Variants in DAB1 observed in about 807,000 individuals in gnomAD.
DAB1 encodes the protein DAB adaptor protein 1.
In DAB1, 15 loss-of-function variants were observed where a neutral mutation model predicts 64.6. The ratio of observed to expected loss-of-function variants is 0.23; its 90% CI spans 0.16 to 0.36. The LOEUF is 0.36. Ranked by LOEUF, DAB1 falls within the 10% of genes least tolerant of loss-of-function variation. The probability of loss-of-function intolerance (pLI) is 1.00; values close to 1 mark genes in which losing one functional copy is unlikely to be tolerated. For synonymous variants in DAB1, 235 were observed against 251.9 expected (o/e 0.93, Z 0.64); for missense variants, 596 against 706.7 (o/e 0.84, Z 1.78).
intron 5 of DAB1, chr1:58,048,052 G>A: frequency 1.5e-6 from 1 of 687,354 alleles, no homozygotes; most frequent in Non-Finnish European, 2.6e-6. Context: ...TCTAAAACAT[G>A]TCTTCTTTGC....
chr1:57,792,068 C>T (rs2101859709), intron 6 of DAB1, among the ~76,000 whole-genome samples: 1 of 152,270 alleles, frequency 6.6e-6, no homozygotes, highest in South Asian at 2.1e-4. Context: ...CTGAGTGAGT[C>T]TCTGAGGCCC....
intron 5 of DAB1, among the ~76,000 whole-genome samples, chr1:58,118,880 A>C (rs1308512200): frequency 6.6e-6 from 1 of 151,832 alleles, no homozygotes; most frequent in Non-Finnish European, 1.5e-5. Flanking sequence ...AATACAGCCT[A>C]CACACCAGTG....
chr1:57,772,372 T>A (rs1649599883), intron 6 of DAB1, among the ~76,000 whole-genome samples: 2 of 152,166 alleles, frequency 1.3e-5, no homozygotes. Flanking sequence ...AAAAACAAAT[T>A]ATCCAGTTTC....
chr1:58,501,146 C>A (rs2100405136), intron 3 of DAB1, among the ~76,000 whole-genome samples: 1 of 152,158 alleles, frequency 6.6e-6, no homozygotes, highest in South Asian at 2.1e-4. Flanking sequence ...AGTAATATTG[C>A]TACAAACCTG....
intron 2 of DAB1, among the ~76,000 whole-genome samples, chr1:57,161,548 C>T (rs1368373205): frequency 6.6e-6 from 1 of 152,160 alleles, no homozygotes; most frequent in Non-Finnish European, 1.5e-5. Context: ...TAACAGGTAC[C>T]AGGCACTGAC....
At chr1:57,176,553 G>T (rs556160829) in intron 2 of DAB1, among the ~76,000 whole-genome samples, 1 of 152,060 alleles carries the variant, frequency 6.6e-6, no homozygotes, top group Non-Finnish European at 1.5e-5. Flanking sequence ...CAGCCAAACT[G>T]AATCATATAT....
At chr1:57,691,359 T>C (rs949192546) in intron 6 of DAB1, among the ~76,000 whole-genome samples, 1 of 152,146 alleles carries the variant, frequency 6.6e-6, no homozygotes, top group Admixed American at 6.5e-5. Flanking sequence ...AGCAGCACTC[T>C]GTAAACTGGA....
At chr1:58,383,119 C>T (rs1435648020) in intron 3 of DAB1, among the ~76,000 whole-genome samples, 1 of 152,228 alleles carries the variant, frequency 6.6e-6, no homozygotes, top group Non-Finnish European at 1.5e-5. Flanking sequence ...TCACTATACA[C>T]AAAGAAGTAT....
At chr1:57,559,340 A>C (rs1645025209) in intron 7 of DAB1, among the ~76,000 whole-genome samples, 1 of 152,228 alleles carries the variant, frequency 6.6e-6, no homozygotes, top group African/African-American at 2.4e-5. Context: ...GCCAGTTTAT[A>C]GACTCAGAAC....
chr1:57,553,277 G>A (rs186067200), intron 7 of DAB1, among the ~76,000 whole-genome samples: 1 of 149,894 alleles, frequency 6.7e-6, no homozygotes, highest in Admixed American at 6.7e-5. Context: ...TATTCTGAGA[G>A]AACAGGTAAA....
chr1:57,497,416 T>C (rs1289886095), intron 7 of DAB1, among the ~76,000 whole-genome samples: 1 of 152,218 alleles, frequency 6.6e-6, no homozygotes, highest in Non-Finnish European at 1.5e-5. Context: ...GTCTACTGTG[T>C]TCCTAGCACT....
chr1:58,354,245 G>A (rs4567304), intron 3 of DAB1, among the ~76,000 whole-genome samples: 68,148 of 151,978 alleles, frequency 0.45, 15,458 homozygotes, highest in Admixed American at 0.56. Flanking sequence ...CCAGATCTAC[G>A]AGAAAGGATG....
chr1:57,093,292 G>C (rs523285), intron 4 of DAB1, among the ~76,000 whole-genome samples: 33,904 of 152,126 alleles, frequency 0.22, 4,805 homozygotes, highest in Middle Eastern at 0.37. Context: ...CCTGGTCAGA[G>C]AGTGATACTC....
chr1:57,308,197 T>C (rs549486676), intron 1 of DAB1, among the ~76,000 whole-genome samples: 3 of 152,326 alleles, frequency 2.0e-5, no homozygotes, highest in East Asian at 3.9e-4. Flanking sequence ...CCCTAAAAAA[T>C]GAGCCAGCCT....
At chr1:57,653,953 A>G (rs1233067351) in intron 6 of DAB1, among the ~76,000 whole-genome samples, 3 of 152,094 alleles carry the variant, frequency 2.0e-5, no homozygotes, top group East Asian at 1.9e-4. Context: ...ATTTATACCA[A>G]TCTGGCGTTA....
intron 1 of DAB1, among the ~76,000 whole-genome samples, chr1:57,410,415 G>A (rs368410162): frequency 2.6e-5 from 4 of 152,320 alleles, no homozygotes; most frequent in East Asian, 3.9e-4. Context: ...ATCAATAGAT[G>A]TGGAACAGAA....
chr1:57,774,030 G>A (rs905074841), intron 6 of DAB1, among the ~76,000 whole-genome samples: 3 of 151,784 alleles, frequency 2.0e-5, no homozygotes, highest in East Asian at 3.9e-4. Context: ...AAATTTTGGC[G>A]GGGGGAGCCC....
intron 7 of DAB1, among the ~76,000 whole-genome samples, chr1:57,555,911 C>G (rs1644983046): frequency 1.3e-5 from 2 of 152,124 alleles, no homozygotes; most frequent in South Asian, 2.1e-4. Context: ...AAAAATGACC[C>G]CTTTTTCATT....
At chr1:57,694,452 G>A (rs3131772) in intron 6 of DAB1, among the ~76,000 whole-genome samples, 110,531 of 151,922 alleles carry the variant, frequency 0.73, 40,954 homozygotes, top group East Asian at 0.93. Flanking sequence ...CACTGGTCAC[G>A]GCAGATAATA....
Sources: gnomAD v4.1 joint callset for allele counts (sites outside exome capture counted in the v4.1 genomes callset) on GRCh38, gnomAD v4.1.1 for gene constraint, MANE v1.5 for transcripts, NCBI Gene and HGNC (gene_info 2026-07-23, HGNC 2026-07-21) for gene names.